Variants in ASTN2 observed in about 807,000 individuals in gnomAD.
ASTN2 encodes astrotactin-2.
ASTN2 carries 54 observed loss-of-function variants against 139.8 expected under a neutral mutation model. The ratio of observed to expected loss-of-function variants is 0.39; its 90% CI spans 0.31 to 0.48. ASTN2 has a LOEUF of 0.48. Among genes scored for constraint, ASTN2 ranks in the 20% least tolerant of loss-of-function variants. The pLI is 0.95. For synonymous variants in ASTN2, 756 were observed against 719.5 expected (o/e 1.05, Z -0.81); for missense variants, 1,565 against 1,725.1 (o/e 0.91, Z 1.64).
chr9:116,565,666 AGAGACAG>A (rs1853195828), intron 19 of ASTN2, among the ~76,000 whole-genome samples: 1 of 151,490 alleles, frequency 6.6e-6, no homozygotes, highest in African/African-American at 2.4e-5. Context: ...TATTTTTAGC[AGAGACAG>A]GGTCTCGCCA....
intron 10 of ASTN2, among the ~76,000 whole-genome samples, chr9:116,915,832 C>T (rs747658628): frequency 7.2e-5 from 11 of 152,244 alleles, no homozygotes; most frequent in Middle Eastern, 3.4e-3. Context: ...GTAAATATTT[C>T]CCTGAGTTTT....
At chr9:116,760,559 C>T (rs954615225) in intron 13 of ASTN2, among the ~76,000 whole-genome samples, 1 of 152,252 alleles carries the variant, frequency 6.6e-6, no homozygotes, top group African/African-American at 2.4e-5. Context: ...GGATTCCGAG[C>T]GAGGAACAGA....
intron 10 of ASTN2, among the ~76,000 whole-genome samples, chr9:116,879,344 GAGACAGACAGACAGAC>G (rs55856269): frequency 1.1e-3 from 164 of 149,784 alleles, no homozygotes; most frequent in Non-Finnish European, 1.8e-3. Flanking sequence ...GAGAGAGACA[GAGACAGACAGACAGAC>G]AGACAGACAG....
intron 17 of ASTN2, among the ~76,000 whole-genome samples, chr9:116,645,391 A>G (rs150376828): frequency 3.9e-5 from 6 of 152,262 alleles, no homozygotes; most frequent in Admixed American, 3.9e-4. Context: ...AAACAACAGC[A>G]CAAGGTATAA....
In ASTN2 at chr9:117,414,432, C is replaced by A. The variant is rs2130988055; in HGVS notation, c.442+65G>T. ...CAGGGATCCCCAGGGCGCCCCCACC[C>A]GTCCGGCATGACGCAGGGGCTCGGG... On this transcript the variant is annotated intron_variant, in intron 1 of 22. Coordinates refer to ENST00000313400, the MANE Select transcript of ASTN2 (RefSeq NM_001365068.1). This position sits in a 1 kb window ranked among gnomAD's most constrained non-coding sequence, Gnocchi z 4.2. 3.8e-6 allele frequency: 6 copies of A among 1,585,604 alleles called. No individual in the cohort carries two copies. The highest frequency in any genetic ancestry group is 1.1e-5 in the South Asian group (1 of 89,366).
chr9:117,191,650 TGTCA>T (rs1452482651), intron 3 of ASTN2, among the ~76,000 whole-genome samples: 2 of 152,204 alleles, frequency 1.3e-5, no homozygotes, highest in Non-Finnish European at 2.9e-5. Flanking sequence ...GGACTTTCTT[TGTCA>T]GTCAGTTCCC....
At chr9:117,077,515 A>G (rs1828312595) in intron 5 of ASTN2, among the ~76,000 whole-genome samples, 1 of 152,306 alleles carries the variant, frequency 6.6e-6, no homozygotes, top group South Asian at 2.1e-4. Context: ...TGGGAGGCTG[A>G]GGCGGGTAAA....
At chr9:117,249,737 T>C (rs1295274319) in intron 2 of ASTN2, among the ~76,000 whole-genome samples, 1 of 151,706 alleles carries the variant, frequency 6.6e-6, no homozygotes, top group Non-Finnish European at 1.5e-5. Context: ...GAAATCCAGA[T>C]TTAAGAGGGC....
At chr9:116,890,084 G>A (rs1833724944) in intron 10 of ASTN2, among the ~76,000 whole-genome samples, 1 of 152,196 alleles carries the variant, frequency 6.6e-6, no homozygotes, top group Non-Finnish European at 1.5e-5. Context: ...CATTTCAGAG[G>A]TATTGAACTG....
intron 11 of ASTN2, among the ~76,000 whole-genome samples, chr9:116,833,055 G>A (rs908140374): frequency 6.6e-6 from 1 of 151,876 alleles, no homozygotes. Context: ...AGGGGAGGAG[G>A]AGTCTAAAGT....
intron 16 of ASTN2, among the ~76,000 whole-genome samples, chr9:116,669,650 T>A (rs1008259206): frequency 1.3e-5 from 2 of 152,218 alleles, no homozygotes; most frequent in Non-Finnish European, 2.9e-5. Context: ...AAGAGCTCTT[T>A]ATATATTTTG....
At chr9:116,912,480 T>C (rs1054431952) in intron 10 of ASTN2, among the ~76,000 whole-genome samples, 1 of 152,232 alleles carries the variant, frequency 6.6e-6, no homozygotes, top group African/African-American at 2.4e-5. Flanking sequence ...GAACTTCTCA[T>C]GTTTAATTTA....
rs574369323 is a variant in ASTN2 at position 116,898,752 on chromosome 9, G to A, written c.1890-35019C>T. ...TGGCACGTTCACATCTCACTGCAGC[G>A]TTGATCTCCCTGGCTCAAGCAATCC... On this transcript the variant is annotated intron_variant, in intron 10 of 22. Coordinates refer to ENST00000313400, the MANE Select transcript of ASTN2 (RefSeq NM_001365068.1). Among the ~76,000 whole-genome samples, 7 of 152,236 alleles carry A rather than the reference G, an allele frequency of 4.6e-5. No individual in the cohort carries two copies. The East Asian group carries it at 5.8e-4, about 13-fold the overall frequency.
chr9:116,859,121 C>G (rs905610466), intron 11 of ASTN2, among the ~76,000 whole-genome samples: 1 of 152,176 alleles, frequency 6.6e-6, no homozygotes, highest in Admixed American at 6.5e-5. Context: ...CTCTCTCTAC[C>G]CCACTCCTCT....
chr9:116,818,328 A>G (rs1468506234), intron 12 of ASTN2, among the ~76,000 whole-genome samples: 1 of 152,192 alleles, frequency 6.6e-6, no homozygotes, highest in Non-Finnish European at 1.5e-5. Flanking sequence ...GCTTAATTCA[A>G]TAGCATCCCA....
intron 10 of ASTN2, among the ~76,000 whole-genome samples, chr9:116,917,747 T>C (rs1834491392): frequency 6.6e-6 from 1 of 152,222 alleles, no homozygotes; most frequent in Non-Finnish European, 1.5e-5. Context: ...ATGTAATTGG[T>C]TAATTATAAA....
intron 10 of ASTN2, among the ~76,000 whole-genome samples, chr9:116,920,964 C>T (rs1189505958): frequency 6.6e-6 from 1 of 152,148 alleles, no homozygotes; most frequent in East Asian, 1.9e-4. Context: ...CAATGAAATA[C>T]CTGAGACTGA....
At chr9:116,578,661 TGTGTG>T (rs1244912096) in intron 19 of ASTN2, among the ~76,000 whole-genome samples, 1 of 144,220 alleles carries the variant, frequency 6.9e-6, no homozygotes, top group African/African-American at 2.6e-5. Context: ...TGTGTGTGTG[TGTGTG>T]TTTCTACTGT....
intron 19 of ASTN2, among the ~76,000 whole-genome samples, chr9:116,538,056 T>C (rs1466512777): frequency 6.6e-6 from 1 of 152,154 alleles, no homozygotes; most frequent in Non-Finnish European, 1.5e-5. Flanking sequence ...GAATCCAAAT[T>C]AAGTGTTGAA....
Sources: gnomAD v4.1 joint callset for allele counts (sites outside exome capture counted in the v4.1 genomes callset) on GRCh38, gnomAD v4.1.1 for gene constraint, Gnocchi (gnomAD v3.1) non-coding constraint, MANE v1.5 for transcripts, NCBI Gene and HGNC (gene_info 2026-07-23, HGNC 2026-07-21) for gene names.